HMBOX1: variants seen among roughly 807,000 people sequenced by gnomAD.
HMBOX1 encodes homeobox-containing protein 1.
HMBOX1 carries 14 observed loss-of-function variants against 54.5 expected under a neutral mutation model. That is an observed-to-expected ratio of 0.26 (90% CI 0.17 to 0.40). The LOEUF is 0.40. Among genes scored for constraint, HMBOX1 ranks in the 10% least tolerant of loss-of-function variants. The pLI, the probability that HMBOX1 is intolerant of heterozygous loss-of-function variation, is 1.00. For synonymous variants in HMBOX1, 160 were observed against 181.0 expected (o/e 0.88, Z 0.93); for missense variants, 332 against 514.4 (o/e 0.65, Z 3.43).
chr8:28,927,132 A>G (rs1238682878), intron 1 of HMBOX1, among the ~76,000 whole-genome samples: 1 of 152,136 alleles, frequency 6.6e-6, no homozygotes, highest in African/African-American at 2.4e-5. Flanking sequence ...AAATAAGAGT[A>G]TAATCAGATT....
At chr8:29,045,318 T>G (rs1228792626) in intron 6 of HMBOX1, 43 bp from the exon 7 acceptor site, 17 of 1,474,480 alleles carry the variant, frequency 1.2e-5, no homozygotes, top group Non-Finnish European at 1.6e-5. Context: ...GAGAGTATGT[T>G]TGAAAAATAA....
chr8:28,969,914 A>G, intron 2 of HMBOX1, 129 bp from the exon 3 acceptor site: 2 of 646,348 alleles, frequency 3.1e-6, no homozygotes, highest in Admixed American at 2.8e-5. Flanking sequence ...TCATTCTAGC[A>G]TGGGACATAC....
intron 1 of HMBOX1, among the ~76,000 whole-genome samples, chr8:28,945,102 G>A (rs1189722738): frequency 2.6e-5 from 4 of 152,232 alleles, no homozygotes; most frequent in East Asian, 1.9e-4. Flanking sequence ...TGACTTTACC[G>A]TCCTTAAGAG....
intron 1 of HMBOX1, among the ~76,000 whole-genome samples, chr8:28,940,330 A>G (rs1439094204): frequency 6.6e-6 from 1 of 152,142 alleles, no homozygotes; most frequent in Non-Finnish European, 1.5e-5. Flanking sequence ...TTTTTAAAAG[A>G]CTAGTTAATG....
chr8:28,908,040 A>T (rs1283986471), intron 1 of HMBOX1, among the ~76,000 whole-genome samples: 1 of 151,850 alleles, frequency 6.6e-6, no homozygotes, highest in African/African-American at 2.4e-5. Flanking sequence ...TTTTGTAGAG[A>T]TGAGATTTCG....
chr8:28,973,813 T>TGTTTGTTTTTTG (rs1827882281), intron 3 of HMBOX1, among the ~76,000 whole-genome samples: 1 of 35,030 alleles, frequency 2.9e-5, no homozygotes, highest in African/African-American at 1.1e-4. Context: ...GTTTTTTTTT[T>TGTTTGTTTTTTG]TTTTTTTTTT....
At chr8:28,974,113 T>G (rs1476540948) in intron 3 of HMBOX1, among the ~76,000 whole-genome samples, 1 of 152,000 alleles carries the variant, frequency 6.6e-6, no homozygotes, top group Admixed American at 6.6e-5. Flanking sequence ...TGTGCCCAGC[T>G]CATAATGGAG....
At chr8:28,950,189 A>G (rs1234106450) in intron 1 of HMBOX1, among the ~76,000 whole-genome samples, 1 of 152,164 alleles carries the variant, frequency 6.6e-6, no homozygotes, top group Non-Finnish European at 1.5e-5. Flanking sequence ...TTTTTCTTGT[A>G]CTGTCAACCA....
chr8:28,970,221 G>A lies in HMBOX1; in HGVS notation c.202G>A (p.Gly68Arg). Residue 68 changes from glycine (G) to arginine (R), a missense_variant, in exon 3 of 10, where the codon GGA (glycine) becomes AGA (arginine). Physicochemically the swap from Gly to Arg is moderately radical, Grantham distance 125 (BLOSUM62 -2). This residue lies in a region of HMBOX1 where 146 missense variants were observed against 173.3 expected (regional missense o/e 0.84). Coordinates refer to ENST00000287701, the MANE Select transcript of HMBOX1 (RefSeq NM_001135726.3). The surrounding 1 kb of genome is among the most constrained non-coding windows in gnomAD (Gnocchi z 4.3). The part of the protein sequence containing the change: ...SDKFGRRSSY[G>R]GSSYGNSTNN... ...CAAGTTTGGAAGAAGGTCCAGCTAT[G>A]GAGGAAGTTCATATGGGAATAGTAC... 6.2e-7 allele frequency: 1 copy of A among 1,614,184 alleles called. No homozygotes were observed. The highest frequency in any genetic ancestry group is 1.1e-5 in the South Asian group (1 of 91,086).
chr8:28,951,922 C>CT (rs1017672127), intron 1 of HMBOX1, among the ~76,000 whole-genome samples: 14 of 152,108 alleles, frequency 9.2e-5, no homozygotes, highest in African/African-American at 2.9e-4. Context: ...AATCCCAGCA[C>CT]TTTAAGAGGC....
chr8:28,933,964 C>G (rs983148986), intron 1 of HMBOX1, among the ~76,000 whole-genome samples: 8 of 152,282 alleles, frequency 5.3e-5, no homozygotes, highest in Middle Eastern at 3.4e-3. Flanking sequence ...TAACACTTCT[C>G]AACTCATGAG....
intron 1 of HMBOX1, among the ~76,000 whole-genome samples, chr8:28,924,111 G>GT (rs1563396497): frequency 7.0e-5 from 10 of 142,968 alleles, no homozygotes; most frequent in African/African-American, 2.3e-4. Context: ...GTTTTTTTTT[G>GT]GTTTTTTTTT....
At chr8:28,999,043 C>T (rs1349363692) in intron 4 of HMBOX1, among the ~76,000 whole-genome samples, 1 of 152,086 alleles carries the variant, frequency 6.6e-6, no homozygotes, top group African/African-American at 2.4e-5. Flanking sequence ...ATTATACTCT[C>T]GTTTATGTTT....
intron 1 of HMBOX1, among the ~76,000 whole-genome samples, chr8:28,908,963 A>G (rs1443223331): frequency 6.6e-6 from 1 of 151,964 alleles, no homozygotes; most frequent in African/African-American, 2.4e-5. Context: ...AGCTGCGTGT[A>G]GTGGTTTGCA....
intron 6 of HMBOX1, among the ~76,000 whole-genome samples, chr8:29,039,212 T>G (rs930170135): frequency 6.6e-6 from 1 of 152,208 alleles, no homozygotes; most frequent in Non-Finnish European, 1.5e-5. Flanking sequence ...CTGGTTCACC[T>G]TTGCCACCAT....
intron 1 of HMBOX1, among the ~76,000 whole-genome samples, chr8:28,904,833 G>A (rs558964167): frequency 6.6e-6 from 1 of 151,940 alleles, no homozygotes; most frequent in Non-Finnish European, 1.5e-5. Context: ...CCACCACCAC[G>A]CCCAACTAAT....
chr8:28,969,176 AAACAAC>A (rs369802182), intron 2 of HMBOX1, among the ~76,000 whole-genome samples: 4 of 152,016 alleles, frequency 2.6e-5, no homozygotes, highest in Non-Finnish European at 5.9e-5. Context: ...TCTGTATCCA[AAACAAC>A]AACAACAACA....
Position 29,051,834 on chromosome 8 carries a change from G to T in HMBOX1, c.*679G>T. ...CTCTCACAAGCTGTGTGACTTAGTAGATAAAATACTGCCTTCTGCCTTTGG... is the reference window on the plus strand; with the variant it reads ...CTCTCACAAGCTGTGTGACTTAGTATATAAAATACTGCCTTCTGCCTTTGG... On this transcript the variant is annotated 3_prime_UTR_variant, in exon 10 of 10. Coordinates refer to ENST00000287701, the MANE Select transcript of HMBOX1 (RefSeq NM_001135726.3). 3.2e-6 allele frequency: 1 copy of T among 315,226 alleles called. No homozygotes were observed. Among genetic ancestry groups the T allele is most frequent in the Non-Finnish European group, 5.8e-6 (1 of 171,682 alleles). The allele number at this position is 315,226 out of a possible 1,614,324, so 19.5% of individuals were successfully genotyped here.
chr8:28,924,703 C>T (rs150972818), intron 1 of HMBOX1: 11,379 of 152,196 alleles, frequency 0.075, 549 homozygotes, highest in Non-Finnish European at 0.11. Flanking sequence ...ACCTCCGCCT[C>T]CTGGGTTCAA....
Sources: allele counts gnomAD v4.1 joint callset (sites outside exome capture counted in the v4.1 genomes callset), GRCh38; gene constraint gnomAD v4.1.1; regional missense constraint gnomAD v4.1.1; non-coding constraint Gnocchi (gnomAD v3.1); transcripts MANE v1.5; gene names NCBI Gene and HGNC (gene_info 2026-07-23, HGNC 2026-07-21).